Variants in SYAP1 observed in about 807,000 individuals in gnomAD.
SYAP1 encodes synapse-associated protein 1.
A neutral mutation model predicts 29.6 loss-of-function variants in SYAP1; 3 were observed. The observed-to-expected ratio is 0.10, with a 90% CI of 0.05 to 0.26. SYAP1 has a LOEUF of 0.26. Among genes scored for constraint, SYAP1 ranks in the 10% least tolerant of loss-of-function variants. SYAP1 has a pLI of 1.00. For synonymous variants in SYAP1, 102 were observed against 102.7 expected, an observed-to-expected ratio of 0.99 and a Z score of 0.04; for missense variants, 217 against 264.1, an observed-to-expected ratio of 0.82 and a Z score of 1.24.
At chrX:16,756,273 GTAGT>G (rs1464143416) in intron 6 of SYAP1, among the ~76,000 whole-genome samples, 1 of 111,885 alleles carries the variant, frequency 8.9e-6, no homozygotes, top group Non-Finnish European at 1.9e-5. Context: ...TGCTAACACT[GTAGT>G]TAAAAATTAT....
intron 1 of SYAP1, among the ~76,000 whole-genome samples, chrX:16,720,647 T>C (rs1313543472): frequency 8.9e-6 from 1 of 112,051 alleles, no homozygotes; most frequent in Non-Finnish European, 1.9e-5. Context: ...CAGGTGATAA[T>C]AGACGTGGAG....
At chrX:16,738,880 A>T (rs980900091) in intron 3 of SYAP1, among the ~76,000 whole-genome samples, 1 of 111,881 alleles carries the variant, frequency 8.9e-6, no homozygotes, top group Non-Finnish European at 1.9e-5. Context: ...CAGTAACTCT[A>T]TAAAGTACTT....
intron 1 of SYAP1, among the ~76,000 whole-genome samples, chrX:16,732,610 C>G (rs1396780891): frequency 1.8e-5 from 2 of 111,801 alleles, no homozygotes; most frequent in East Asian, 5.6e-4. Context: ...ACCACTCAGT[C>G]AGTACTGAAA....
intron 5 of SYAP1, among the ~76,000 whole-genome samples, chrX:16,746,526 T>C (rs1042901142): frequency 1.8e-5 from 2 of 109,760 alleles, no homozygotes; most frequent in Non-Finnish European, 3.8e-5. Flanking sequence ...CGTGAGCCAC[T>C]GCGCCCAGCT....
At chrX:16,745,622 G>C (rs776892642) in intron 5 of SYAP1, among the ~76,000 whole-genome samples, 27 of 109,241 alleles carry the variant, frequency 2.5e-4, no homozygotes, top group Admixed American at 2.0e-4. Context: ...TGTAATCTCA[G>C]CTACTCGGGA....
Position 16,761,676 on chromosome X carries a change from AAAAT to A in SYAP1, c.*1318_*1321del, listed in dbSNP as rs1286802311. 9.7e-6 allele frequency: 1 copy of A among 103,157 alleles called. No individual in the cohort carries two copies. The highest frequency in any genetic ancestry group is 3.8e-5 in the African/African-American group (1 of 26,411). 8.5% of individuals were successfully genotyped at this position (103,157 alleles called of 1,213,427 possible). ...TGACAGAGTGAGAGACTCCGTCTCA[AAAAT>A]GAATGAATGAATGAATGAATGAATG... On this transcript the variant is annotated 3_prime_UTR_variant, in exon 9 of 9. Transcript: ENST00000380155.
chrX:16,728,626 T>C (rs1926133890), intron 1 of SYAP1, among the ~76,000 whole-genome samples: 1 of 104,766 alleles, frequency 9.5e-6, no homozygotes, highest in African/African-American at 3.5e-5. Context: ...GATCATGCCG[T>C]TGCACCCCAG....
chrX:16,732,885 A>G (rs1926239926), intron 1 of SYAP1, among the ~76,000 whole-genome samples: 2 of 112,416 alleles, frequency 1.8e-5, no homozygotes, highest in Admixed American at 1.9e-4. Flanking sequence ...GGGGCTCAGC[A>G]TGGGCTTTCA....
intron 8 of SYAP1, 65 bp downstream of exon 8, chrX:16,757,374 G>T: frequency 9.1e-7 from 1 of 1,104,844 alleles, no homozygotes; most frequent in East Asian, 3.0e-5. Context: ...GCTAATTGTA[G>T]AAAATTGTTA....
chrX:16,737,052 T>A (rs1236322173), intron 3 of SYAP1, among the ~76,000 whole-genome samples: 1 of 111,817 alleles, frequency 8.9e-6, no homozygotes, highest in African/African-American at 3.2e-5. Context: ...ATGCCTACTC[T>A]TACCATTTTG....
At chrX:16,757,035 T>C in intron 7 of SYAP1, 127 bp from the exon 8 acceptor site, 1 of 887,039 alleles carries the variant, frequency 1.1e-6, no homozygotes. Flanking sequence ...GCAGTGCTCA[T>C]TGTCTTACAG....
chrX:16,727,377 C>T (rs780186606), intron 1 of SYAP1, among the ~76,000 whole-genome samples: 2 of 83,278 alleles, frequency 2.4e-5, no homozygotes, highest in Non-Finnish European at 4.4e-5. Context: ...GAGTTTTGCT[C>T]TTGTTGCCCA....
intron 5 of SYAP1, among the ~76,000 whole-genome samples, chrX:16,744,100 G>A (rs1196541329): frequency 8.9e-6 from 1 of 112,375 alleles, no homozygotes; most frequent in African/African-American, 3.2e-5. Context: ...CCACAAACAT[G>A]CTGCATCACC....
At chrX:16,737,431 T>G (rs1926354931) in intron 3 of SYAP1, among the ~76,000 whole-genome samples, 1 of 111,915 alleles carries the variant, frequency 8.9e-6, no homozygotes, top group South Asian at 3.7e-4. Context: ...GTGCCACAGT[T>G]AATCCCATGG....
chrX:16,739,255 A>G (rs1050640077), intron 3 of SYAP1, among the ~76,000 whole-genome samples: 27 of 111,233 alleles, frequency 2.4e-4, no homozygotes, highest in East Asian at 5.6e-4. Context: ...GGATAAGCCA[A>G]AGAATGAAGC....
rs187668068 is a variant in SYAP1, at chrX:16,737,119, C to T, written c.361+887C>T. ...TTTAGATTTGGCAAAAGTAGTATAA[C>T]TGTAATCCCAACACTTTGGCAGGCC... On this transcript the variant is annotated intron_variant, in intron 3 of 8. Transcript: ENST00000380155. Among the ~76,000 whole-genome samples the T allele has an allele frequency of 5.3e-3, 593 of 112,037 alleles. 7 individuals carry two copies. The highest frequency in any genetic ancestry group is 0.018 in the African/African-American group (557 of 30,882).
intron 5 of SYAP1, among the ~76,000 whole-genome samples, chrX:16,748,482 C>T (rs1044979838): frequency 7.1e-5 from 8 of 112,534 alleles, no homozygotes; most frequent in African/African-American, 2.6e-4. Context: ...CTCTGGATTT[C>T]AAACTGCATA....
chrX:16,735,169 T>C (rs1926303354), intron 1 of SYAP1, 58 bp from the exon 2 acceptor site: 2 of 792,367 alleles, frequency 2.5e-6, no homozygotes, highest in African/African-American at 4.3e-5. Context: ...TCTCATAAGA[T>C]CTCTTTAAGG....
intron 5 of SYAP1, among the ~76,000 whole-genome samples, chrX:16,749,151 G>A (rs1466378368): frequency 9.0e-6 from 1 of 110,716 alleles, no homozygotes; most frequent in Non-Finnish European, 1.9e-5. Flanking sequence ...AACCTCCCAG[G>A]CTCAAGCAAT....
Sources: allele counts gnomAD v4.1 joint callset (sites outside exome capture counted in the v4.1 genomes callset), GRCh38; gene constraint gnomAD v4.1.1; transcripts MANE v1.5; gene names NCBI Gene and HGNC (gene_info 2026-07-23, HGNC 2026-07-21).